SGCZ: variants seen among roughly 807,000 people sequenced by gnomAD.
SGCZ encodes sarcoglycan zeta.
Under a neutral mutation model 41.3 loss-of-function variants are expected in SGCZ, and 40 were observed. The observed-to-expected ratio is 0.97, with a 90% CI of 0.75 to 1.26. The LOEUF (loss-of-function observed/expected upper bound fraction) is 1.26, where lower values mean the gene tolerates loss of function less well. SGCZ is among the 50% of genes most tolerant of loss of function. The pLI, the probability that SGCZ is intolerant of heterozygous loss-of-function variation, is 0.00. For synonymous variants in SGCZ, 206 were observed against 137.5 expected (o/e 1.50, Z -3.49); for missense variants, 552 against 369.8 (o/e 1.49, Z -4.04).
intron 1 of SGCZ, among the ~76,000 whole-genome samples, chr8:14,940,702 AAAC>A (rs1394637552): frequency 1.3e-5 from 2 of 152,040 alleles, no homozygotes; most frequent in Non-Finnish European, 2.9e-5. Flanking sequence ...GTAAAGGAAA[AAAC>A]AACAACAGGT....
At chr8:14,594,459 G>C (rs1805344241) in intron 1 of SGCZ, among the ~76,000 whole-genome samples, 2 of 151,920 alleles carry the variant, frequency 1.3e-5, no homozygotes, top group Non-Finnish European at 2.9e-5. Context: ...GTGATTTTCA[G>C]TTTTCTTTCT....
intron 1 of SGCZ, among the ~76,000 whole-genome samples, chr8:14,724,078 A>G (rs1809975491): frequency 1.3e-5 from 2 of 152,176 alleles, no homozygotes; most frequent in Admixed American, 1.3e-4. Context: ...AAATAACTAT[A>G]TATCAAGTAA....
chr8:14,601,861 C>T (rs1805598870), intron 1 of SGCZ, among the ~76,000 whole-genome samples: 1 of 152,188 alleles, frequency 6.6e-6, no homozygotes, highest in Non-Finnish European at 1.5e-5. Flanking sequence ...TGGCTCACGC[C>T]TGTAATCCCA....
chr8:14,463,534 A>AT (rs541726248), intron 2 of SGCZ, among the ~76,000 whole-genome samples: 1 of 151,548 alleles, frequency 6.6e-6, no homozygotes, highest in Non-Finnish European at 1.5e-5. Flanking sequence ...AAACTATAAA[A>AT]TTTTTTTAAG....
intron 3 of SGCZ, among the ~76,000 whole-genome samples, chr8:14,265,228 C>A (rs1363530346): frequency 6.6e-6 from 1 of 152,118 alleles, no homozygotes; most frequent in East Asian, 1.9e-4. Context: ...CATTGGCACT[C>A]AAGGCGGCAG....
At chr8:14,772,858 T>C (rs1340131190) in intron 1 of SGCZ, among the ~76,000 whole-genome samples, 4 of 152,088 alleles carry the variant, frequency 2.6e-5, no homozygotes, top group African/African-American at 9.7e-5. Context: ...TCCAAGTCTT[T>C]GCTGTTGTGA....
intron 1 of SGCZ, among the ~76,000 whole-genome samples, chr8:14,740,186 T>C (rs1415461727): frequency 2.6e-5 from 4 of 152,010 alleles, no homozygotes; most frequent in African/African-American, 9.7e-5. Context: ...TTAATACATC[T>C]CCTGGAAAAA....
At chr8:14,689,668 A>T (rs1585184724) in intron 1 of SGCZ, among the ~76,000 whole-genome samples, 1 of 152,174 alleles carries the variant, frequency 6.6e-6, no homozygotes, top group Non-Finnish European at 1.5e-5. Flanking sequence ...TAACATTTAA[A>T]TGAAATTGTT....
intron 1 of SGCZ, among the ~76,000 whole-genome samples, chr8:14,822,960 A>C (rs766939048): frequency 1.1e-4 from 16 of 150,660 alleles, no homozygotes; most frequent in East Asian, 6.0e-4. Context: ...TGGCTGAGGC[A>C]GGAGAATTGC....
At chr8:14,182,871 G>A (rs533906939) in intron 4 of SGCZ, among the ~76,000 whole-genome samples, 22 of 151,926 alleles carry the variant, frequency 1.4e-4, no homozygotes, top group Middle Eastern at 3.4e-3. Flanking sequence ...TTAGCTGAGC[G>A]GGGAGGCAGG....
At chr8:14,875,314 G>C (rs190740147) in intron 1 of SGCZ, among the ~76,000 whole-genome samples, 7 of 152,176 alleles carry the variant, frequency 4.6e-5, no homozygotes, top group Middle Eastern at 3.4e-3. Context: ...CCATTAATGA[G>C]GACAAAGTCC....
intron 2 of SGCZ, among the ~76,000 whole-genome samples, chr8:14,414,603 T>G (rs1347218309): frequency 6.6e-6 from 1 of 151,934 alleles, no homozygotes; most frequent in Non-Finnish European, 1.5e-5. Flanking sequence ...TAAGGATAGC[T>G]GAGAAAATGT....
intron 2 of SGCZ, among the ~76,000 whole-genome samples, chr8:14,430,396 C>A (rs1799910940): frequency 6.6e-6 from 1 of 152,040 alleles, no homozygotes; most frequent in Non-Finnish European, 1.5e-5. Context: ...TTAACATATA[C>A]AAGTCAATAA....
chr8:14,745,882 C>T (rs1020803422), intron 1 of SGCZ, among the ~76,000 whole-genome samples: 1 of 151,928 alleles, frequency 6.6e-6, no homozygotes, highest in Admixed American at 6.6e-5. Context: ...GTTCTGAAAA[C>T]TCCTTCAGGA....
At chr8:14,215,589 C>G (rs1181815277) in intron 4 of SGCZ, among the ~76,000 whole-genome samples, 1 of 151,460 alleles carries the variant, frequency 6.6e-6, no homozygotes, top group African/African-American at 2.4e-5. Context: ...AAATTTAAGC[C>G]ATTCAAGATT....
At chr8:14,868,749 G>A (rs1002243377) in intron 1 of SGCZ, among the ~76,000 whole-genome samples, 27 of 151,926 alleles carry the variant, frequency 1.8e-4, no homozygotes, top group Admixed American at 1.2e-3. Context: ...AAATTCTTCC[G>A]TGTTTCTACT....
At chr8:14,175,159 T>A (rs1044675789) in intron 4 of SGCZ, among the ~76,000 whole-genome samples, 1 of 152,134 alleles carries the variant, frequency 6.6e-6, no homozygotes, top group East Asian at 1.9e-4. Flanking sequence ...AAAAAATTTT[T>A]AAATGCCAAT....
chr8:14,422,988 AT>A (rs1232273685), intron 2 of SGCZ, among the ~76,000 whole-genome samples: 1 of 152,170 alleles, frequency 6.6e-6, no homozygotes, highest in Admixed American at 6.6e-5. Context: ...TGATCATGCC[AT>A]TGTACTCCAG....
At chr8:14,246,057 G>C (rs1485975451) in intron 3 of SGCZ, among the ~76,000 whole-genome samples, 4 of 152,140 alleles carry the variant, frequency 2.6e-5, no homozygotes, top group Non-Finnish European at 5.9e-5. Context: ...CAGGGATCTA[G>C]AACTAGAAAT....
Sources: gnomAD v4.1 joint callset for allele counts (sites outside exome capture counted in the v4.1 genomes callset) on GRCh38, gnomAD v4.1.1 for gene constraint, MANE v1.5 for transcripts, NCBI Gene and HGNC (gene_info 2026-07-23, HGNC 2026-07-21) for gene names.